CNBP: variants seen among roughly 807,000 people sequenced by gnomAD.
The protein encoded by CNBP is cellular nucleic acid-binding protein.
CNBP carries 6 observed loss-of-function variants against 21.2 expected under a neutral mutation model. That is an observed-to-expected ratio of 0.28 (90% CI 0.16 to 0.56). The LOEUF (loss-of-function observed/expected upper bound fraction) is 0.56. Among genes scored for constraint, CNBP ranks in the 20% least tolerant of loss-of-function variants. The probability of loss-of-function intolerance (pLI) is 0.93; values close to 1 mark genes in which losing one functional copy is unlikely to be tolerated. For missense variants in CNBP, 112 were observed against 233.1 expected, an observed-to-expected ratio of 0.48 and a Z score of 3.38; for synonymous variants, 61 against 74.9, an observed-to-expected ratio of 0.81 and a Z score of 0.96.
chr3:129,176,001 A>T (rs904009582), intron 1 of CNBP, among the ~76,000 whole-genome samples: 5 of 152,304 alleles, frequency 3.3e-5, no homozygotes, highest in Non-Finnish European at 5.9e-5. Context: ...CTCTTTAATA[A>T]CATTATTAAA....
intron 1 of CNBP, among the ~76,000 whole-genome samples, chr3:129,176,809 C>T (rs774810138): frequency 4.6e-5 from 7 of 152,262 alleles, no homozygotes; most frequent in Non-Finnish European, 1.0e-4. Context: ...AAAGGACATT[C>T]CCAATGTAAT....
intron 1 of CNBP, among the ~76,000 whole-genome samples, chr3:129,178,386 T>A (rs367702426): frequency 6.6e-6 from 1 of 152,174 alleles, no homozygotes; most frequent in African/African-American, 2.4e-5. Context: ...TCTAACAGTA[T>A]GTGGTCAAGA....
At position 129,170,390 on chromosome 3, in the gene CNBP, G is replaced by A. The variant is rs563712054; in HGVS notation, c.*63C>T. ...TATCTGCCAACCTTTGGCCAGTGAAGAGGATTCAGAGAAAATAATACAACC... is the reference window on the plus strand; with the variant it reads ...TATCTGCCAACCTTTGGCCAGTGAAAAGGATTCAGAGAAAATAATACAACC... On this transcript the variant is annotated 3_prime_UTR_variant, in exon 5 of 5. Coordinates refer to ENST00000422453, the MANE Select transcript of CNBP (RefSeq NM_003418.5). 7.2e-7 allele frequency: 1 copy of A among 1,397,180 alleles called. No homozygotes were observed. The highest frequency in any genetic ancestry group is 2.3e-5 in the East Asian group (1 of 43,780). 86.5% of individuals were successfully genotyped at this position (1,397,180 alleles called of 1,614,324 possible).
intron 1 of CNBP, among the ~76,000 whole-genome samples, chr3:129,181,415 A>G (rs999248522): frequency 4.6e-5 from 7 of 150,960 alleles, no homozygotes; most frequent in Non-Finnish European, 8.8e-5. Context: ...GCACTTTGAG[A>G]GGCCGAGGGA....
At chr3:129,173,688 A>C (rs193077815) in intron 1 of CNBP, among the ~76,000 whole-genome samples, 44 of 152,380 alleles carry the variant, frequency 2.9e-4, no homozygotes, top group Non-Finnish European at 2.9e-5. Flanking sequence ...ATAGAACATA[A>C]TGAAAACAAT....
chr3:129,171,687 C>A lies in CNBP; in HGVS notation c.71G>T (p.Gly24Val). The change falls in exon 2 of 5, where the codon GGC becomes GTC. Residue 24 changes from glycine (G) to valine (V), a missense_variant. Physicochemically the swap from Gly to Val is moderately radical, Grantham distance 109. Coordinates refer to ENST00000422453, the MANE Select transcript of CNBP (RefSeq NM_003418.5). ...ACGGCTTCTCATTCCACGACCACGG[C>A]CTCCACCAGTAGGACATTCCCGGGC... ...HWARECPTGG[G>V]RGRGMRSRGR... is the part of the protein sequence containing the mutation. 1 of 1,614,156 alleles carries A rather than the reference C, an allele frequency of 6.2e-7. No homozygotes were observed.
intron 1 of CNBP, among the ~76,000 whole-genome samples, chr3:129,179,476 T>A (rs1196014280): frequency 1.3e-5 from 2 of 152,178 alleles, no homozygotes; most frequent in African/African-American, 4.8e-5. Flanking sequence ...CTTGAAGAGT[T>A]TTAACAGCTG....
At chr3:129,172,663 GACAGACAGACAGA>G (rs1937622859) in intron 1 of CNBP, among the ~76,000 whole-genome samples, 85 of 112,974 alleles carry the variant, frequency 7.5e-4, no homozygotes, top group African/African-American at 2.8e-3. Context: ...CAGGCAGACA[GACAGACAGACAGA>G]CAGACAGACA....
chr3:129,181,651 G>GAAAAAAAAAAAAAAA (rs371274750), intron 1 of CNBP, among the ~76,000 whole-genome samples: 1 of 115,342 alleles, frequency 8.7e-6, no homozygotes, highest in Non-Finnish European at 1.7e-5. Context: ...CTCCGTCTCA[G>GAAAAAAAAAAAAAAA]AAAAAAAAAA....
Position 129,167,985 on chromosome 3 carries a change from TG to T in CNBP, c.*2467del, listed in dbSNP as rs567026320. Among the ~76,000 whole-genome samples, 5 of 152,190 alleles carry T rather than the reference TG, an allele frequency of 3.3e-5. 1 individual carries two copies. In the South Asian group the frequency reaches 1.0e-3, roughly 31 times the overall value. On this transcript the variant is annotated 3_prime_UTR_variant, in exon 5 of 5. Coordinates refer to ENST00000422453, the MANE Select transcript of CNBP (RefSeq NM_003418.5). ...CTCAGGACTATTAATTTGACAAGGTTGGAATGTGCACAGCACAGCTGAGACA... is the reference window on the plus strand; with the variant it reads ...CTCAGGACTATTAATTTGACAAGGTTGAATGTGCACAGCACAGCTGAGACA...
chr3:129,172,196 A>G (rs1029592870), intron 1 of CNBP, among the ~76,000 whole-genome samples: 1 of 152,142 alleles, frequency 6.6e-6, no homozygotes, highest in African/African-American at 2.4e-5. Context: ...ACACAACTAC[A>G]TGATTGGGTA....
chr3:129,181,230 ACT>A (rs1322833400), intron 1 of CNBP, among the ~76,000 whole-genome samples: 8 of 110,174 alleles, frequency 7.3e-5, no homozygotes, highest in African/African-American at 2.1e-4. Flanking sequence ...ACAGAGAAAG[ACT>A]CTGTCTCAAA....
intron 1 of CNBP, among the ~76,000 whole-genome samples, chr3:129,180,972 G>A (rs1189717853): frequency 4.6e-5 from 7 of 151,910 alleles, no homozygotes; most frequent in African/African-American, 1.7e-4. Flanking sequence ...AGGCACGGTG[G>A]CTCAGGCCTG....
At chr3:129,182,730 A>T (rs1010051160) in intron 1 of CNBP, among the ~76,000 whole-genome samples, 5 of 152,198 alleles carry the variant, frequency 3.3e-5, no homozygotes, top group Non-Finnish European at 5.9e-5. Flanking sequence ...GGATCCCAGC[A>T]ACTTAAATAG....
chr3:129,175,239 G>T (rs576765594), intron 1 of CNBP, among the ~76,000 whole-genome samples: 1 of 151,232 alleles, frequency 6.6e-6, no homozygotes, highest in African/African-American at 2.4e-5. Flanking sequence ...CAGGAGAATC[G>T]CTTGAACCCG....
chr3:129,170,365 T>C lies in CNBP; in HGVS notation c.*88A>G. The C allele has an allele frequency of 1.7e-6, 2 of 1,176,028 alleles. No individual in the cohort carries two copies. Among genetic ancestry groups the C allele is most frequent in the Non-Finnish European group, 2.5e-6 (2 of 787,190 alleles). 72.8% of individuals were successfully genotyped at this position (1,176,028 alleles called of 1,614,324 possible). A position where few individuals can be genotyped will look rare whatever the true frequency, so the allele number is the denominator to read the frequency against. On this transcript the variant is annotated 3_prime_UTR_variant, in exon 5 of 5. Coordinates refer to ENST00000422453, the MANE Select transcript of CNBP (RefSeq NM_003418.5). ...AGCTCACTGGCCTGGGAGTTGCCTC[T>C]ATCTGCCAACCTTTGGCCAGTGAAG... is the stretch of plus-strand genomic sequence containing the variant.
intron 1 of CNBP, among the ~76,000 whole-genome samples, chr3:129,177,328 T>G (rs960084727): frequency 2.6e-5 from 4 of 152,174 alleles, no homozygotes; most frequent in African/African-American, 9.7e-5. Context: ...CCTGACACTG[T>G]AAGAGATTTT....
chr3:129,172,656 G>A (rs6763144), intron 1 of CNBP, among the ~76,000 whole-genome samples: 6,219 of 109,794 alleles, frequency 0.057, 150 homozygotes, highest in Non-Finnish European at 0.07. Context: ...AGGCAGGCAG[G>A]CAGACAGACA....
At chr3:129,174,801 T>G (rs1335068350) in intron 1 of CNBP, among the ~76,000 whole-genome samples, 1 of 152,190 alleles carries the variant, frequency 6.6e-6, no homozygotes, top group Non-Finnish European at 1.5e-5. Context: ...CTCAAGGAAT[T>G]ATTTGCACAT....
Sources: gnomAD v4.1 joint callset for allele counts (sites outside exome capture counted in the v4.1 genomes callset) on GRCh38, gnomAD v4.1.1 for gene constraint, MANE v1.5 for transcripts, NCBI Gene and HGNC (gene_info 2026-07-23, HGNC 2026-07-21) for gene names.